The following AGAP1 variants were observed in gnomAD, a reference collection of about 807,000 sequenced individuals.
AGAP1 encodes arf-GAP with GTPase, ANK repeat and PH domain-containing protein 1.
In AGAP1, 29 loss-of-function variants were observed where a neutral mutation model predicts 105.3. The observed-to-expected ratio is 0.28, with a 90% confidence interval of 0.21 to 0.38. The LOEUF (loss-of-function observed/expected upper bound fraction) is 0.38. Among genes scored for constraint, AGAP1 ranks in the 10% least tolerant of loss-of-function variants. The pLI, the probability that AGAP1 is intolerant of heterozygous loss-of-function variation, is 1.00. For missense variants in AGAP1, 998 were observed against 1,165.1 expected, an observed-to-expected ratio of 0.86 and a Z score of 2.09; for synonymous variants, 509 against 485.9, an observed-to-expected ratio of 1.05 and a Z score of -0.63.
rs533516847 is a variant in AGAP1, at chr2:235,553,334, GT to G, written c.163+58494del. The stretch of plus-strand genomic sequence containing the variant: ...GGCAGTGGGGGTCAGAGGAAGTTGG[GT>G]TTTTTTTTGTCTTGGTCAGGTCACG... On this transcript the variant is annotated intron_variant, in intron 1 of 17. Coordinates refer to ENST00000304032, the MANE Select transcript of AGAP1 (RefSeq NM_001037131.3). The surrounding 1 kb of genome is among the most constrained non-coding windows in gnomAD (Gnocchi z 4.5). Among the ~76,000 whole-genome samples, 22 of 150,862 alleles carry G rather than the reference GT, an allele frequency of 1.5e-4. No homozygotes were observed. The highest frequency in any genetic ancestry group is 4.1e-4 in the African/African-American group (17 of 41,028).
intron 12 of AGAP1, among the ~76,000 whole-genome samples, chr2:235,942,611 G>T (rs1575838777): frequency 6.6e-6 from 1 of 151,774 alleles, no homozygotes; most frequent in African/African-American, 2.4e-5. Context: ...CACAGAGGTT[G>T]CAGTGAGCCG....
chr2:236,024,933 A>G (rs1009301477), intron 13 of AGAP1, among the ~76,000 whole-genome samples: 1 of 152,260 alleles, frequency 6.6e-6, no homozygotes, highest in African/African-American at 2.4e-5. Flanking sequence ...CTGTGAGCCC[A>G]ATCACAAAAC....
At chr2:236,077,919 C>T (rs1048341316) in intron 16 of AGAP1, among the ~76,000 whole-genome samples, 20 of 152,316 alleles carry the variant, frequency 1.3e-4, no homozygotes, top group Admixed American at 3.9e-4. Flanking sequence ...TCTTTCTCAC[C>T]TTGCGTCTCC....
rs2054975982 is a variant in AGAP1, at chr2:235,979,003, CTT to C, written c.1645+10381_1645+10382del. 1.3e-5 allele frequency among the ~76,000 whole-genome samples: 2 copies of C among 152,066 alleles called. No individual in the cohort carries two copies. Among genetic ancestry groups the C allele is most frequent in the Non-Finnish European group, 2.9e-5 (2 of 68,026 alleles). On this transcript the variant is annotated intron_variant, in intron 13 of 17. Transcript: ENST00000304032. This position sits in a 1 kb window ranked among gnomAD's most constrained non-coding sequence, Gnocchi z 4.5. ...GGCTCTGTTATAAGGGGACATCTCTCTTGAAATTTTTTTGGACTTACGGACAT... is the reference window on the plus strand; with the variant it reads ...GGCTCTGTTATAAGGGGACATCTCTCGAAATTTTTTTGGACTTACGGACAT...
chr2:235,816,486 C>G (rs974481472), intron 9 of AGAP1, among the ~76,000 whole-genome samples: 2 of 151,608 alleles, frequency 1.3e-5, no homozygotes, highest in African/African-American at 4.8e-5. Context: ...TGCAGAGACT[C>G]CAGGTCAGAC....
chr2:235,841,359 G>A lies in AGAP1; in HGVS notation c.1050+34028G>A, dbSNP rs60015879. Among the ~76,000 whole-genome samples the A allele has an allele frequency of 6.2e-3, 944 of 152,262 alleles. 4 individuals carry two copies. Among genetic ancestry groups the A allele is most frequent in the African/African-American group, 0.021 (875 of 41,554 alleles). ...AGTTAGTAGCTTACGGGCCTGATGC[G>A]GTGGCTCACGACTAATCCCCGCACT... On this transcript the variant is annotated intron_variant, in intron 9 of 17. Transcript: ENST00000304032.
At position 235,908,864 on chromosome 2, in the gene AGAP1, C is replaced by T. The variant is rs1302661188; in HGVS notation, c.1282C>T (p.Leu428=). 3 of 1,614,070 alleles carry T rather than the reference C, an allele frequency of 1.9e-6. No individual in the cohort carries two copies. Among genetic ancestry groups the T allele is most frequent in the South Asian group, 2.2e-5 (2 of 91,058 alleles). Residue 428 remains leucine (L), a synonymous_variant, in exon 11 of 18, where the codon CTA becomes TTA. Transcript: ENST00000304032. The surrounding 1 kb of genome is among the most constrained non-coding windows in gnomAD (Gnocchi z 4.4). ...CATCTCCAGCCCTAAAACCAATGGC[C>T]TATCCAAGGACATGAGCAGTTTACA... ...APISSPKTNG[L]SKDMSSLHIS...
intron 1 of AGAP1, among the ~76,000 whole-genome samples, chr2:235,602,796 G>A (rs995511754): frequency 6.6e-6 from 1 of 152,136 alleles, no homozygotes; most frequent in African/African-American, 2.4e-5. Flanking sequence ...CCGCCTCCTG[G>A]GTTCAAATGA....
chr2:235,580,827 C>T (rs963559852), intron 1 of AGAP1, among the ~76,000 whole-genome samples: 2 of 152,098 alleles, frequency 1.3e-5, no homozygotes, highest in African/African-American at 4.8e-5. Context: ...GTTATCTGAC[C>T]TGGCATGAGA....
rs927550831 is a variant in AGAP1 at position 235,633,458 on chromosome 2, G to A, written c.164-75721G>A. On this transcript the variant is annotated intron_variant, in intron 1 of 17. Coordinates refer to ENST00000304032, the MANE Select transcript of AGAP1 (RefSeq NM_001037131.3). This position sits in a 1 kb window ranked among gnomAD's most constrained non-coding sequence, Gnocchi z 4.8. ...AAAATACAAAAATTAGCCAGGCATG[G>A]TGGCGGGCTCCTGTAATTCCAGCTA... Among the ~76,000 whole-genome samples the A allele has an allele frequency of 6.6e-6, 1 of 152,158 alleles. No individual in the cohort carries two copies.
chr2:235,648,142 A>C (rs1434802979), intron 1 of AGAP1, among the ~76,000 whole-genome samples: 8 of 152,188 alleles, frequency 5.3e-5, no homozygotes, highest in Non-Finnish European at 1.2e-4. Context: ...GGGGGTGTCC[A>C]TCCCGTGTGT....
At chr2:235,595,960 A>T (rs1945512760) in intron 1 of AGAP1, among the ~76,000 whole-genome samples, 1 of 152,222 alleles carries the variant, frequency 6.6e-6, no homozygotes, top group Admixed American at 6.5e-5. Flanking sequence ...TGAAGCAGTA[A>T]TGTATTACTT....
Position 235,596,068 on chromosome 2 carries a change from C to A in AGAP1, c.163+101219C>A, listed in dbSNP as rs184569226. 6.6e-6 allele frequency among the ~76,000 whole-genome samples: 1 copy of A among 152,168 alleles called. No individual in the cohort carries two copies. Among genetic ancestry groups the A allele is most frequent in the African/African-American group, 2.4e-5 (1 of 41,446 alleles). On this transcript the variant is annotated intron_variant, in intron 1 of 17. Coordinates refer to ENST00000304032, the MANE Select transcript of AGAP1 (RefSeq NM_001037131.3). This position sits in a 1 kb window ranked among gnomAD's most constrained non-coding sequence, Gnocchi z 5.9. Reference sequence around the variant, plus strand: ...ATCGCAGCCCTGTGAATTGTGTGCCCTAAGAGCCAGCTGTGCTCCTAACAG... The same window carrying A: ...ATCGCAGCCCTGTGAATTGTGTGCCATAAGAGCCAGCTGTGCTCCTAACAG...
chr2:235,509,333 C>T (rs1439164947), intron 1 of AGAP1, among the ~76,000 whole-genome samples: 6 of 152,080 alleles, frequency 3.9e-5, no homozygotes, highest in African/African-American at 1.4e-4. Flanking sequence ...TTCCTGGGTT[C>T]AAGCAATTCT....
intron 9 of AGAP1, among the ~76,000 whole-genome samples, chr2:235,807,720 C>T (rs2150094550): frequency 6.6e-6 from 1 of 152,318 alleles, no homozygotes; most frequent in East Asian, 1.9e-4. Context: ...CTAATTTGCT[C>T]TCACAGACGG....
chr2:235,855,570 G>A lies in AGAP1; in HGVS notation c.1051-27775G>A, dbSNP rs76799321. On this transcript the variant is annotated intron_variant, in intron 9 of 17. Transcript: ENST00000304032. The surrounding 1 kb of genome is among the most constrained non-coding windows in gnomAD (Gnocchi z 5.0). Reference sequence around the variant, plus strand: ...GAGCAATTTCTGCTTTAAATATAGGGTATCATTCTTTCCTTTAGATTCGTT... The same window carrying A: ...GAGCAATTTCTGCTTTAAATATAGGATATCATTCTTTCCTTTAGATTCGTT... 0.023 allele frequency among the ~76,000 whole-genome samples: 3,572 copies of A among 152,198 alleles called. 129 individuals are homozygous for A. The highest frequency in any genetic ancestry group is 0.081 in the African/African-American group (3,383 of 41,522).
At chr2:235,698,818 C>T (rs1950120916) in intron 1 of AGAP1, among the ~76,000 whole-genome samples, 1 of 152,190 alleles carries the variant, frequency 6.6e-6, no homozygotes, top group South Asian at 2.1e-4. Flanking sequence ...ATTCATCATA[C>T]CTATCACAAT....
Position 235,799,662 on chromosome 2 carries a change from C to A in AGAP1, c.957+140C>A. ...GAATAACATTGATTTCTGTGGAGGA[C>A]TAAGAAAATTAAGAGAAGCAAAGAT... On this transcript the variant is annotated intron_variant, in intron 8 of 17. Transcript: ENST00000304032. This position sits in a 1 kb window ranked among gnomAD's most constrained non-coding sequence, Gnocchi z 5.0. The A allele has an allele frequency of 3.0e-6, 3 of 1,012,632 alleles. No homozygotes were observed. The highest frequency in any genetic ancestry group is 1.6e-5 in the African/African-American group (1 of 62,106). The allele number at this position is 1,012,632 out of a possible 1,614,324, so 62.7% of individuals were successfully genotyped here.
chr2:236,070,254 G>A (rs1440160650), intron 16 of AGAP1, among the ~76,000 whole-genome samples: 2 of 152,254 alleles, frequency 1.3e-5, no homozygotes, highest in Non-Finnish European at 1.5e-5. Flanking sequence ...GCATCAGGGC[G>A]AGTGGTTAGG....
Sources: allele counts gnomAD v4.1 joint callset (sites outside exome capture counted in the v4.1 genomes callset), GRCh38; gene constraint gnomAD v4.1.1; non-coding constraint Gnocchi (gnomAD v3.1); transcripts MANE v1.5; gene names NCBI Gene and HGNC (gene_info 2026-07-23, HGNC 2026-07-21).